Variants in TOPBP1 observed in about 807,000 individuals in gnomAD.
TOPBP1 encodes the protein DNA topoisomerase 2-binding protein 1.
A neutral mutation model predicts 167.7 loss-of-function variants in TOPBP1; 28 were observed. That is an observed-to-expected ratio of 0.17 (90% CI 0.12 to 0.23). TOPBP1 has a LOEUF of 0.23. TOPBP1 is among the 10% of genes least tolerant of loss of function. The probability of loss-of-function intolerance (pLI) is 1.00; values close to 1 mark genes in which losing one functional copy is unlikely to be tolerated. For missense variants in TOPBP1, 1,554 were observed against 1,809.6 expected (o/e 0.86, Z 2.56); for synonymous variants, 598 against 611.4 (o/e 0.98, Z 0.32).
At chr3:133,606,057 T>C (rs1934482469) in intron 27 of TOPBP1, among the ~76,000 whole-genome samples, 1 of 151,652 alleles carries the variant, frequency 6.6e-6, no homozygotes, top group Non-Finnish European at 1.5e-5. Context: ...CTGGGCATGG[T>C]GGCACATGGC....
At chr3:133,622,220 T>C (rs565800236) in intron 19 of TOPBP1, among the ~76,000 whole-genome samples, 2 of 146,022 alleles carry the variant, frequency 1.4e-5, no homozygotes, top group Admixed American at 6.9e-5. Flanking sequence ...ACAAGAGTTT[T>C]GCTCTTCTTG....
intron 27 of TOPBP1, 74 bp downstream of exon 27, chr3:133,608,461 G>C: frequency 6.6e-7 from 1 of 1,506,750 alleles, no homozygotes; most frequent in Non-Finnish European, 9.0e-7. Flanking sequence ...TGAAGGTTTT[G>C]TTGTGCAGTT....
Position 133,656,657 on chromosome 3 carries a change from A to AT in TOPBP1, c.545+18dup. 1 of 1,570,784 alleles carries AT rather than the reference A, an allele frequency of 6.4e-7. No individual in the cohort carries two copies. Among genetic ancestry groups the AT allele is most frequent in the Non-Finnish European group, 8.6e-7 (1 of 1,160,570 alleles). ...CATCATTTTTTCAAATCTAGAAAAT[A>AT]TAAAAATGTCTTTCTTACTTCTCTT... On this transcript the variant is annotated intron_variant, in intron 5 of 27. Transcript: ENST00000260810.
At chr3:133,612,340 G>A (rs1457898748) in intron 24 of TOPBP1, 49 bp downstream of exon 24, 1 of 1,603,210 alleles carries the variant, frequency 6.2e-7, no homozygotes, top group East Asian at 2.2e-5. Context: ...GCACCCGGTG[G>A]ACACTTGCTT....
Position 133,620,182 on chromosome 3 carries a change from C to T in TOPBP1, c.3344G>A (p.Gly1115Glu). 1 of 1,613,682 alleles carries T rather than the reference C, an allele frequency of 6.2e-7. No individual in the cohort carries two copies. The highest frequency in any genetic ancestry group is 8.5e-7 in the Non-Finnish European group (1 of 1,179,744). The change falls in exon 20 of 28, where the codon GGA becomes GAA. Residue 1115 changes from glycine (G) to glutamate (E), a missense_variant. Coordinates refer to ENST00000260810, the MANE Select transcript of TOPBP1 (RefSeq NM_007027.4). ...CAGTGCCTCTAGGACTCTACTTCGTCCACTGCGAGCAGAGCGAGTGCTGTC... is the reference window on the plus strand; with the variant it reads ...CAGTGCCTCTAGGACTCTACTTCGTTCACTGCGAGCAGAGCGAGTGCTGTC... ...TPDSTRSARS[G>E]RSRVLEALRQ...
At chr3:133,613,414 T>C (rs1934748399) in intron 23 of TOPBP1, among the ~76,000 whole-genome samples, 1 of 152,100 alleles carries the variant, frequency 6.6e-6, no homozygotes, top group African/African-American at 2.4e-5. Context: ...CACGCTGTAG[T>C]TGGTTATGTC....
At chr3:133,628,128 C>T in intron 16 of TOPBP1, 1 of 467,302 alleles carries the variant, frequency 2.1e-6, no homozygotes, top group Non-Finnish European at 3.8e-6. Flanking sequence ...AATAGGCTCT[C>T]CAATATTTGT....
chr3:133,612,292 G>T, intron 24 of TOPBP1, 97 bp downstream of exon 24: 1 of 1,415,360 alleles, frequency 7.1e-7, no homozygotes. Flanking sequence ...CACCCACCTC[G>T]GCCTCCCAAA....
At chr3:133,612,649 A>G in intron 23 of TOPBP1, 97 bp from the exon 24 acceptor site, 1 of 1,230,560 alleles carries the variant, frequency 8.1e-7, no homozygotes, top group Non-Finnish European at 1.1e-6. Flanking sequence ...TTATAAATAA[A>G]ATGCCCCAAA....
chr3:133,650,042 CT>C (rs1936231139), intron 8 of TOPBP1, 99 bp from the exon 9 acceptor site: 2 of 1,008,888 alleles, frequency 2.0e-6, no homozygotes, highest in Non-Finnish European at 2.7e-6. Flanking sequence ...AATAAGACAA[CT>C]TGTGTACATT....
At chr3:133,652,442 T>C in intron 8 of TOPBP1, 21 bp downstream of exon 8, 30 of 1,609,986 alleles carry the variant, frequency 1.9e-5, no homozygotes, top group Non-Finnish European at 2.5e-5. Context: ...CTACTGCATG[T>C]ATTATATAAT....
chr3:133,643,696 A>C (rs1935975694), intron 11 of TOPBP1, among the ~76,000 whole-genome samples: 1 of 137,350 alleles, frequency 7.3e-6, no homozygotes, highest in African/African-American at 2.9e-5. Context: ...TGGAATGTTA[A>C]AAAAAAAAAA....
chr3:133,656,625 T>G lies in TOPBP1; in HGVS notation c.545+51A>C, dbSNP rs375389070. ...AGAGTATATCACATGCCAAAAATGA[T>G]TGAATGCATCATTTTTTCAAATCTA... On this transcript the variant is annotated intron_variant, in intron 5 of 27. Coordinates refer to ENST00000260810, the MANE Select transcript of TOPBP1 (RefSeq NM_007027.4). 24 of 1,520,536 alleles carry G rather than the reference T, an allele frequency of 1.6e-5. No homozygotes were observed. In the African/African-American group the frequency reaches 2.7e-4, roughly 17 times the overall value. The allele number at this position is 1,520,536 out of a possible 1,614,324, so 94.2% of individuals were successfully genotyped here.
At chr3:133,649,018 T>C (rs917617453) in intron 10 of TOPBP1, among the ~76,000 whole-genome samples, 1 of 152,178 alleles carries the variant, frequency 6.6e-6, no homozygotes, top group Admixed American at 6.6e-5. Flanking sequence ...TAAGAGTACA[T>C]ACTGAGGTGG....
intron 25 of TOPBP1, among the ~76,000 whole-genome samples, chr3:133,609,260 A>C (rs1934597138): frequency 6.6e-6 from 1 of 152,158 alleles, no homozygotes; most frequent in Non-Finnish European, 1.5e-5. Context: ...TGATTAATCA[A>C]GGGAAGAGCT....
At chr3:133,643,177 G>C (rs1479414077) in intron 12 of TOPBP1, 23 bp downstream of exon 12, 2 of 1,544,772 alleles carry the variant, frequency 1.3e-6, no homozygotes, top group South Asian at 2.5e-5. Context: ...CAATACAACA[G>C]GTGCATTAAA....
At chr3:133,660,323 T>A (rs1936648722) in intron 2 of TOPBP1, among the ~76,000 whole-genome samples, 1 of 152,238 alleles carries the variant, frequency 6.6e-6, no homozygotes, top group African/African-American at 2.4e-5. Flanking sequence ...TAATTTATCA[T>A]GTCTGATTAG....
chr3:133,657,945 C>CA lies in TOPBP1; in HGVS notation c.220-5dup. On this transcript the variant is annotated splice_polypyrimidine_tract_variant and splice_region_variant and intron_variant, in intron 3 of 27. Coordinates refer to ENST00000260810, the MANE Select transcript of TOPBP1 (RefSeq NM_007027.4). Reference sequence around the variant, plus strand: ...GACCAACAATTCTGCAGCCAAGCTACAAAAAAGAGAAAAGTTTAAATGAGT... The same window carrying CA: ...GACCAACAATTCTGCAGCCAAGCTACAAAAAAAGAGAAAAGTTTAAATGAGT... 1.9e-6 allele frequency: 3 copies of CA among 1,538,462 alleles called. No homozygotes were observed. Among genetic ancestry groups the CA allele is most frequent in the Non-Finnish European group, 2.6e-6 (3 of 1,150,534 alleles).
At chr3:133,639,511 T>C (rs1329663050) in intron 13 of TOPBP1, among the ~76,000 whole-genome samples, 2 of 152,124 alleles carry the variant, frequency 1.3e-5, no homozygotes, top group Non-Finnish European at 2.9e-5. Flanking sequence ...GACGAATTAA[T>C]GGGTGCAGCA....
Sources: allele counts gnomAD v4.1 joint callset (sites outside exome capture counted in the v4.1 genomes callset), GRCh38; gene constraint gnomAD v4.1.1; transcripts MANE v1.5; gene names NCBI Gene and HGNC (gene_info 2026-07-23, HGNC 2026-07-21).